Variants in SIPA1L1 observed in about 807,000 individuals in gnomAD.
The protein encoded by SIPA1L1 is signal induced proliferation associated 1 like 1.
SIPA1L1 carries 26 observed loss-of-function variants against 162.7 expected under a neutral mutation model. The observed-to-expected ratio is 0.16, with a 90% CI of 0.12 to 0.22. The LOEUF (loss-of-function observed/expected upper bound fraction) is 0.22. Ranked by LOEUF, SIPA1L1 falls within the 10% of genes least tolerant of loss-of-function variation. SIPA1L1 has a pLI of 1.00. For synonymous variants in SIPA1L1, 829 were observed against 837.4 expected (o/e 0.99, Z 0.17); for missense variants, 1,874 against 2,241.0 (o/e 0.84, Z 3.31).
At chr14:71,634,327 A>C (rs1453276068) in intron 7 of SIPA1L1, among the ~76,000 whole-genome samples, 1 of 150,208 alleles carries the variant, frequency 6.7e-6, no homozygotes, top group Non-Finnish European at 1.5e-5. Context: ...GCTTGAACCC[A>C]GGAGACGGAG....
chr14:71,707,393 G>T (rs2082530557), intron 16 of SIPA1L1, among the ~76,000 whole-genome samples: 1 of 152,136 alleles, frequency 6.6e-6, no homozygotes, highest in Admixed American at 6.5e-5. Context: ...TGAGTGAGTT[G>T]TAGCAGCATT....
chr14:71,424,688 A>T (rs1274681143), intron 2 of SIPA1L1, among the ~76,000 whole-genome samples: 1 of 151,820 alleles, frequency 6.6e-6, no homozygotes, highest in Non-Finnish European at 1.5e-5. Flanking sequence ...TTTGTTGAGG[A>T]TTTTTGCATC....
intron 4 of SIPA1L1, among the ~76,000 whole-genome samples, chr14:71,558,088 G>A (rs1280069622): frequency 6.6e-6 from 1 of 152,138 alleles, no homozygotes; most frequent in East Asian, 1.9e-4. Flanking sequence ...GCCTAAGTAT[G>A]TAGTGATACT....
At chr14:71,512,276 A>T (rs1394140477) in intron 2 of SIPA1L1, among the ~76,000 whole-genome samples, 1 of 152,116 alleles carries the variant, frequency 6.6e-6, no homozygotes, top group Admixed American at 6.5e-5. Flanking sequence ...AAATCTCATC[A>T]ACTGGGTTTT....
chr14:71,666,729 A>G (rs1218112190), intron 10 of SIPA1L1, among the ~76,000 whole-genome samples: 1 of 152,186 alleles, frequency 6.6e-6, no homozygotes, highest in Non-Finnish European at 1.5e-5. Context: ...ACTTGGAATT[A>G]GACCAAATTG....
intron 2 of SIPA1L1, among the ~76,000 whole-genome samples, chr14:71,382,340 G>A (rs2039972788): frequency 6.6e-6 from 1 of 152,198 alleles, no homozygotes; most frequent in Admixed American, 6.5e-5. Flanking sequence ...CTTTACTTGG[G>A]TGGTAGAAAA....
chr14:71,615,041 T>C, intron 5 of SIPA1L1, among the ~76,000 whole-genome samples: 1 of 152,240 alleles, frequency 6.6e-6, no homozygotes, highest in Non-Finnish European at 1.5e-5. Context: ...AATAAAGTTA[T>C]TGGTATCAAT....
At chr14:71,587,357 G>C (rs201047768) in intron 4 of SIPA1L1, among the ~76,000 whole-genome samples, 47 of 145,582 alleles carry the variant, frequency 3.2e-4, no homozygotes, top group Middle Eastern at 7.2e-3. Context: ...AGTCTTAATA[G>C]TTTTTTTTTT....
intron 4 of SIPA1L1, among the ~76,000 whole-genome samples, chr14:71,544,069 A>G (rs573194657): frequency 8.2e-4 from 121 of 148,442 alleles, no homozygotes; most frequent in Middle Eastern, 3.5e-3. Flanking sequence ...GTATATACAC[A>G]CGCACGCACA....
chr14:71,630,852 CCCCTTTCTTTTAT>C (rs1480016342), intron 7 of SIPA1L1, among the ~76,000 whole-genome samples: 1 of 151,532 alleles, frequency 6.6e-6, no homozygotes, highest in Non-Finnish European at 1.5e-5. Flanking sequence ...CTTTATTTCA[CCCCTTTCTTTTAT>C]ATATTATATA....
intron 4 of SIPA1L1, among the ~76,000 whole-genome samples, chr14:71,538,955 A>G (rs2054137852): frequency 1.3e-5 from 2 of 152,258 alleles, no homozygotes; most frequent in Admixed American, 1.3e-4. Flanking sequence ...CTGCAGTCAT[A>G]CAGGGTTGCT....
intron 2 of SIPA1L1, among the ~76,000 whole-genome samples, chr14:71,432,744 T>G (rs2140990611): frequency 6.6e-6 from 1 of 152,358 alleles, no homozygotes; most frequent in East Asian, 1.9e-4. Flanking sequence ...CTCAACAGAA[T>G]GAACAATCAA....
At position 71,383,933 on chromosome 14, in the gene SIPA1L1, C is replaced by G. The variant is rs537455476; in HGVS notation, c.-465+62752C>G. 1.0e-3 allele frequency among the ~76,000 whole-genome samples: 159 copies of G among 152,280 alleles called. 1 individual carries two copies. Among genetic ancestry groups the G allele is most frequent in the Middle Eastern group, 6.8e-3 (2 of 294 alleles). ...TTTTCCTTATGAATTTCTACTTATT[C>G]TTAACTTCTTTGCTTGTTTATTACC... On this transcript the variant is annotated intron_variant, in intron 2 of 23. Coordinates refer to ENST00000381232, the MANE Select transcript of SIPA1L1 (RefSeq NM_001386936.1).
Position 71,588,772 on chromosome 14 carries a change from C to T in SIPA1L1, c.900C>T (p.Arg300=), listed in dbSNP as rs1323730213. The change falls in exon 5 of 24, where the codon CGC becomes CGT. Residue 300 remains arginine, a synonymous_variant. Transcript: ENST00000381232. This position sits in a 1 kb window ranked among gnomAD's most constrained non-coding sequence, Gnocchi z 4.3. ...ACTCATCTATTTTTCGTAAATTGCG[C>T]AATGCCAAAGGTGAAGAACTTGGGA... ...TGDSSIFRKL[R]NAKGEELGKS... 3 of 1,614,048 alleles carry T rather than the reference C, an allele frequency of 1.9e-6. No individual in the cohort carries two copies. Among genetic ancestry groups the T allele is most frequent in the South Asian group, 2.2e-5 (2 of 91,078 alleles).
At chr14:71,669,291 A>G (rs1220083463) in intron 10 of SIPA1L1, among the ~76,000 whole-genome samples, 1 of 152,178 alleles carries the variant, frequency 6.6e-6, no homozygotes, top group Non-Finnish European at 1.5e-5. Flanking sequence ...CTAAAGTTCT[A>G]TCAATTAATA....
At chr14:71,729,592 T>A (rs2084566342) in intron 19 of SIPA1L1, among the ~76,000 whole-genome samples, 1 of 152,160 alleles carries the variant, frequency 6.6e-6, no homozygotes, top group South Asian at 2.1e-4. Context: ...ATAACACCAT[T>A]TCATCATGCC....
At chr14:71,385,908 G>A (rs192124777) in intron 2 of SIPA1L1, among the ~76,000 whole-genome samples, 2 of 151,926 alleles carry the variant, frequency 1.3e-5, no homozygotes, top group African/African-American at 4.8e-5. Context: ...GGATGGTCTC[G>A]ATCTCCTGAC....
In SIPA1L1 at chr14:71,480,033, G is replaced by T. The variant is rs2048217346; in HGVS notation, c.-464-32710G>T. On this transcript the variant is annotated intron_variant, in intron 2 of 23. Transcript: ENST00000381232. Reference sequence around the variant, plus strand: ...GGATTACAGGCATGAGCCATTGCATGCAGTCCTCCTCTGTTTTTAAATACA... The same window carrying T: ...GGATTACAGGCATGAGCCATTGCATTCAGTCCTCCTCTGTTTTTAAATACA... 2.0e-5 allele frequency among the ~76,000 whole-genome samples: 3 copies of T among 151,908 alleles called. No homozygotes were observed. In the South Asian group the frequency reaches 6.2e-4, roughly 32 times the overall value.
rs144031442 is a variant in SIPA1L1, at chr14:71,366,596, G to A, written c.-465+45415G>A. On this transcript the variant is annotated intron_variant, in intron 2 of 23. Transcript: ENST00000381232. ...CTACAGGCGCCCGCCACCATGCCTG[G>A]CTAATTTTGTTTTTGTATTTTTAGC... Among the ~76,000 whole-genome samples the A allele has an allele frequency of 3.7e-3, 559 of 152,182 alleles. 2 individuals carry two copies. Among genetic ancestry groups the A allele is most frequent in the African/African-American group, 0.013 (529 of 41,502 alleles).
Sources: gnomAD v4.1 joint callset for allele counts (sites outside exome capture counted in the v4.1 genomes callset) on GRCh38, gnomAD v4.1.1 for gene constraint, Gnocchi (gnomAD v3.1) non-coding constraint, MANE v1.5 for transcripts, NCBI Gene and HGNC (gene_info 2026-07-23, HGNC 2026-07-21) for gene names.